MYOM2: variants seen among roughly 807,000 people sequenced by gnomAD.
MYOM2 encodes the protein myomesin-2.
A neutral mutation model predicts 187.6 loss-of-function variants in MYOM2; 254 were observed. That is an observed-to-expected ratio of 1.35 (90% CI 1.22 to 1.50). MYOM2 has a LOEUF of 1.50. Among genes scored for constraint, MYOM2 ranks in the 40% most tolerant of loss-of-function variants. The pLI is 0.00. For synonymous variants in MYOM2, 981 were observed against 753.8 expected (o/e 1.30, Z -4.94); for missense variants, 2,796 against 1,924.0 (o/e 1.45, Z -8.48).
At chr8:2,108,300 TA>T (rs970529375) in intron 23 of MYOM2, among the ~76,000 whole-genome samples, 11 of 150,530 alleles carry the variant, frequency 7.3e-5, no homozygotes, top group Admixed American at 2.7e-4. Context: ...TTTTTTTTTT[TA>T]AATTCATGGT....
At position 2,057,352 on chromosome 8, in the gene MYOM2, C is replaced by T. The variant is rs372894513; in HGVS notation, c.268C>T (p.Gln90Ter). 1 of 1,604,016 alleles carries T rather than the reference C, an allele frequency of 6.2e-7. No individual in the cohort carries two copies. Among genetic ancestry groups the T allele is most frequent in the Non-Finnish European group, 8.5e-7 (1 of 1,174,782 alleles). The change falls in exon 4 of 37, where the codon CAG (glutamine) becomes TAG (stop). Residue 90 changes from glutamine (Q) to a stop codon, truncating the protein, a stop_gained. Coordinates refer to ENST00000262113, the MANE Select transcript of MYOM2 (RefSeq NM_003970.4). LOFTEE classifies it high-confidence loss of function. ...DEEQENRSRY[Q>*]SLVAAYGEAK... ...GCTGCTTCTCGGCTCCTGCAGGTAC[C>T]AGTCCCTGGTGGCCGCCTATGGTGA...
At chr8:2,080,993 A>G (rs1171906320) in intron 13 of MYOM2, among the ~76,000 whole-genome samples, 1 of 134,102 alleles carries the variant, frequency 7.5e-6, no homozygotes, top group African/African-American at 2.8e-5. Flanking sequence ...CAGGCAGCCC[A>G]GCCCTTGCAG....
chr8:2,109,512 G>A lies in MYOM2; in HGVS notation c.3161G>A (p.Arg1054Lys), dbSNP rs2116813569. 1 of 1,612,174 alleles carries A rather than the reference G, an allele frequency of 6.2e-7. No individual in the cohort carries two copies. ...AGCTACCGATTTATTATTAACGACAGAGAAGTCTCTGACAGCGAGGTGAGT... is the reference window on the plus strand; with the variant it reads ...AGCTACCGATTTATTATTAACGACAAAGAAGTCTCTGACAGCGAGGTGAGT... ...DASYRFIIND[R>K]EVSDSEIHRI... Residue 1054 changes from arginine (R) to lysine (K), a missense_variant, in exon 25 of 37, where the codon AGA (arginine) becomes AAA (lysine). Coordinates refer to ENST00000262113, the MANE Select transcript of MYOM2 (RefSeq NM_003970.4).
chr8:2,111,541 A>T (rs1797067996), intron 25 of MYOM2, among the ~76,000 whole-genome samples: 1 of 152,186 alleles, frequency 6.6e-6, no homozygotes. Flanking sequence ...TGTCATACAA[A>T]TAAGGACAGT....
At chr8:2,103,295 A>G (rs1796776516) in intron 21 of MYOM2, among the ~76,000 whole-genome samples, 1 of 151,314 alleles carries the variant, frequency 6.6e-6, no homozygotes, top group Admixed American at 6.6e-5. Flanking sequence ...GTATGTATGT[A>G]TGGGTAAATG....
chr8:2,143,290 G>C (rs966486827), intron 35 of MYOM2, 111 bp from the exon 36 acceptor site: 20 of 1,222,678 alleles, frequency 1.6e-5, no homozygotes, highest in Admixed American at 3.6e-5. Context: ...TCTCTCCTGA[G>C]CATAAACTCC....
rs1798413079 is a variant in MYOM2, at chr8:2,144,979, T to C, written c.4396T>C (p.Ter1466ArgextTer39). Residue 1466 changes from the stop codon to arginine (R), a stop_lost, in exon 37 of 37, where the codon TGA becomes CGA. Transcript: ENST00000262113. ...IPASASAAGQ* is the reference protein window; with the variant it reads ...IPASASAAGQR ...CGCGTCTGCCTCAGCGGCAGGCCAGTGAAGGCGTTTTCCTAGCCTGGAGAT... is the reference window on the plus strand; with the variant it reads ...CGCGTCTGCCTCAGCGGCAGGCCAGCGAAGGCGTTTTCCTAGCCTGGAGAT... The C allele has an allele frequency of 1.2e-6, 2 of 1,613,202 alleles. No homozygotes were observed. Among genetic ancestry groups the C allele is most frequent in the African/African-American group, 2.7e-5 (2 of 74,808 alleles).
chr8:2,045,592 T>C (rs1461403365), intron 1 of MYOM2, among the ~76,000 whole-genome samples: 5 of 152,180 alleles, frequency 3.3e-5, no homozygotes, highest in Admixed American at 3.3e-4. Flanking sequence ...GATATTTTCT[T>C]AAGGGAAAAA....
chr8:2,140,700 A>G, intron 32 of MYOM2, 23 bp from the exon 33 acceptor site: 1 of 1,612,138 alleles, frequency 6.2e-7, no homozygotes, highest in Non-Finnish European at 8.5e-7. Flanking sequence ...TAACTCAGAT[A>G]CGTTCCTGTT....
At chr8:2,131,552 T>G (rs887593384) in intron 32 of MYOM2, among the ~76,000 whole-genome samples, 1 of 152,116 alleles carries the variant, frequency 6.6e-6, no homozygotes, top group African/African-American at 2.4e-5. Context: ...GAGGTGTTAT[T>G]GTAAATCCCA....
intron 14 of MYOM2, among the ~76,000 whole-genome samples, chr8:2,086,796 C>T (rs1796102977): frequency 2.0e-5 from 3 of 152,212 alleles, no homozygotes; most frequent in Admixed American, 2.0e-4. Context: ...TGCAACATTC[C>T]AGGCGCCTAC....
rs141926714 is a variant in MYOM2 at position 2,062,210 on chromosome 8, G to T, written c.653+2965G>T. ...CCCTGCAGATCACGGGGACCCCGTG[G>T]GCCATTGTAAGGACATTGGCTTTGC... On this transcript the variant is annotated intron_variant, in intron 6 of 36. Transcript: ENST00000262113. 3.4e-3 allele frequency among the ~76,000 whole-genome samples: 512 copies of T among 152,308 alleles called. 1 individual carries two copies. The highest frequency in any genetic ancestry group is 0.012 in the African/African-American group (482 of 41,570).
At chr8:2,059,819 C>T (rs914746829) in intron 6 of MYOM2, among the ~76,000 whole-genome samples, 1 of 151,288 alleles carries the variant, frequency 6.6e-6, no homozygotes, top group Non-Finnish European at 1.5e-5. Flanking sequence ...CTCGGCTCAC[C>T]ACAACCTCCA....
chr8:2,100,924 T>A lies in MYOM2; in HGVS notation c.2489T>A (p.Val830Asp), dbSNP rs369615134. ...TFCEVRDTSL[V>D]MLWKAPVYSG... ...TGTGAGGTCAGGGACACGTCCTTGG[T>A]CATGCTGTGGAAGGCCCCTGTGTAC... is the stretch of plus-strand genomic sequence containing the variant. Residue 830 changes from valine to aspartate, a missense_variant, in exon 20 of 37, where the codon GTC becomes GAC. Val to Asp is a radical substitution (Grantham distance 152). Transcript: ENST00000262113. 3 of 1,614,056 alleles carry A rather than the reference T, an allele frequency of 1.9e-6. No individual in the cohort carries two copies. The African/African-American group carries it at 4.0e-5, about 22-fold the overall frequency.
Position 2,085,404 on chromosome 8 carries a change from C to A in MYOM2, c.1644+14C>A. ...TTCATTGAGAAGGTAAACTCCGGGC[C>A]CGTGTCCTGGAAAAGTAGATCTCTG... On this transcript the variant is annotated intron_variant, in intron 14 of 36. Coordinates refer to ENST00000262113, the MANE Select transcript of MYOM2 (RefSeq NM_003970.4). The A allele has an allele frequency of 6.3e-7, 1 of 1,597,986 alleles. No individual in the cohort carries two copies. Among genetic ancestry groups the A allele is most frequent in the Non-Finnish European group, 8.5e-7 (1 of 1,172,294 alleles).
At chr8:2,138,045 T>A (rs1231933357) in intron 32 of MYOM2, among the ~76,000 whole-genome samples, 2 of 152,190 alleles carry the variant, frequency 1.3e-5, no homozygotes, top group African/African-American at 2.4e-5. Context: ...CTAATTTTCC[T>A]TTTATACACA....
chr8:2,105,778 G>A (rs1796867401), intron 21 of MYOM2, among the ~76,000 whole-genome samples: 1 of 152,228 alleles, frequency 6.6e-6, no homozygotes, highest in South Asian at 2.1e-4. Flanking sequence ...GTCATTAAAT[G>A]CAACTGATGA....
In MYOM2 at chr8:2,090,193, T is replaced by C. The variant is rs1796249449; in HGVS notation, c.1828+2T>C. On this transcript the variant is annotated splice_donor_variant, in intron 15 of 36. Coordinates refer to ENST00000262113, the MANE Select transcript of MYOM2 (RefSeq NM_003970.4). LOFTEE classifies it high-confidence loss of function. ...CCATTCAGGCCCAGGATGTGACCGG[T>C]GAGCTGTCACACTGGGTGGCCCCAA... 6.2e-7 allele frequency: 1 copy of C among 1,611,212 alleles called. No homozygotes were observed. The highest frequency in any genetic ancestry group is 2.2e-5 in the East Asian group (1 of 44,804).
intron 13 of MYOM2, among the ~76,000 whole-genome samples, chr8:2,081,502 G>A (rs189329543): frequency 2.7e-4 from 41 of 152,370 alleles, no homozygotes; most frequent in African/African-American, 7.2e-4. Flanking sequence ...GAGGAGGTGG[G>A]CAGCCCGGAT....
Sources: allele counts gnomAD v4.1 joint callset (sites outside exome capture counted in the v4.1 genomes callset), GRCh38; gene constraint gnomAD v4.1.1; transcripts MANE v1.5; gene names NCBI Gene and HGNC (gene_info 2026-07-23, HGNC 2026-07-21).